The following ENPP2 variants were observed in gnomAD, a reference collection of about 807,000 sequenced individuals.
ENPP2 encodes the protein autotaxin.
ENPP2 carries 51 observed loss-of-function variants against 120.2 expected under a neutral mutation model. The observed-to-expected ratio is 0.42, with a 90% confidence interval of 0.34 to 0.54. The LOEUF is 0.54. Ranked by LOEUF, ENPP2 falls within the 20% of genes least tolerant of loss-of-function variation. The probability of loss-of-function intolerance (pLI) is 0.04; values close to 1 mark genes in which losing one functional copy is unlikely to be tolerated. For synonymous variants in ENPP2, 365 were observed against 366.4 expected (o/e 1.00, Z 0.04); for missense variants, 920 against 1,066.5 (o/e 0.86, Z 1.91).
intron 2 of ENPP2, among the ~76,000 whole-genome samples, chr8:119,630,976 C>T (rs1816624365): frequency 6.6e-6 from 1 of 150,580 alleles, no homozygotes; most frequent in South Asian, 2.1e-4. Flanking sequence ...CTCACTGCAA[C>T]CCCCGCCTCC....
chr8:119,673,390 T>C, exon 1 of ENPP2: 2 of 1,186,054 alleles, frequency 1.7e-6, no homozygotes, highest in Non-Finnish European at 2.4e-6. Context: ...TTGTTTGCAC[T>C]GGCCGTTTGC....
At chr8:119,560,117 C>A (rs746829129) in intron 24 of ENPP2, among the ~76,000 whole-genome samples, 2 of 152,154 alleles carry the variant, frequency 1.3e-5, no homozygotes, top group Non-Finnish European at 2.9e-5. Context: ...CTCTAATGAC[C>A]GAACTTGAAC....
At chr8:119,604,468 G>A (rs1489428903) in intron 9 of ENPP2, among the ~76,000 whole-genome samples, 2 of 151,994 alleles carry the variant, frequency 1.3e-5, no homozygotes, top group African/African-American at 4.8e-5. Flanking sequence ...ACAATGCGCA[G>A]ACAGCACAAA....
At chr8:119,641,727 CA>C (rs1214743386), upstream of ENPP2, among the ~76,000 whole-genome samples, 2 of 152,118 alleles carry the variant, frequency 1.3e-5, no homozygotes, top group Admixed American at 6.5e-5. Flanking sequence ...GATCCTGATT[CA>C]TTAGGTCTGG....
At chr8:119,641,440 T>C (rs1472060093), upstream of ENPP2, among the ~76,000 whole-genome samples, 1 of 152,252 alleles carries the variant, frequency 6.6e-6, no homozygotes, top group African/African-American at 2.4e-5. Context: ...TCACTTGCTA[T>C]GGTGTTTAAG....
chr8:119,658,519 G>T (rs540234291), intron 1 of ENPP2, among the ~76,000 whole-genome samples: 124 of 152,302 alleles, frequency 8.1e-4, no homozygotes, highest in African/African-American at 2.9e-3. Context: ...GCACATCTAG[G>T]TTCAAACCTC....
chr8:119,596,279 A>C (rs575696024), intron 11 of ENPP2, among the ~76,000 whole-genome samples: 4 of 152,200 alleles, frequency 2.6e-5, no homozygotes, highest in Non-Finnish European at 5.9e-5. Flanking sequence ...GCTGATATTT[A>C]TGGATGTATG....
At position 119,593,734 on chromosome 8, in the gene ENPP2, G is replaced by GA; in HGVS notation, c.1081+17dup. The GA allele has an allele frequency of 2.7e-6, 4 of 1,487,710 alleles. No homozygotes were observed. Among genetic ancestry groups the GA allele is most frequent in the South Asian group, 2.3e-5 (2 of 88,514 alleles). The allele number at this position is 1,487,710 out of a possible 1,614,324, so 92.2% of individuals were successfully genotyped here. On this transcript the variant is annotated intron_variant, in intron 12 of 24. Coordinates refer to ENST00000075322, the MANE Select transcript of ENPP2 (RefSeq NM_001040092.3). ...ATTATCCATCTATCCTATTAGCAAA[G>GA]AAAAAACAAAGCTTTACCATGGTCT...
intron 15 of ENPP2, among the ~76,000 whole-genome samples, 169 bp from the exon 16 acceptor site, chr8:119,584,218 A>G (rs1812948856): frequency 6.6e-6 from 1 of 152,196 alleles, no homozygotes; most frequent in South Asian, 2.1e-4. Flanking sequence ...GCATTTCTCC[A>G]AGTGACTTTT....
chr8:119,665,711 A>C (rs1818049109), intron 1 of ENPP2, among the ~76,000 whole-genome samples: 1 of 152,216 alleles, frequency 6.6e-6, no homozygotes, highest in South Asian at 2.1e-4. Flanking sequence ...ACATATGTAA[A>C]AATCTCATAT....
rs921425519 is a variant in ENPP2 at position 119,568,323 on chromosome 8, G to A, written c.2054-71C>T. On this transcript the variant is annotated intron_variant, in intron 21 of 24. Coordinates refer to ENST00000075322, the MANE Select transcript of ENPP2 (RefSeq NM_001040092.3). ...ATATCAGTTAAAAAAAAAAGGGAGA[G>A]GGGGGTAGAATTTTCTTAAATGGTC... 1.1e-5 allele frequency: 9 copies of A among 829,200 alleles called. No individual in the cohort carries two copies. In the Admixed American group the frequency reaches 1.7e-4, roughly 16 times the overall value. The allele number at this position is 829,200 out of a possible 1,614,324, so 51.4% of individuals were successfully genotyped here. A position where few individuals can be genotyped will look rare whatever the true frequency, so the allele number is the denominator to read the frequency against.
At chr8:119,575,207 T>C (rs950123582) in intron 19 of ENPP2, among the ~76,000 whole-genome samples, 2 of 152,324 alleles carry the variant, frequency 1.3e-5, no homozygotes, top group African/African-American at 4.8e-5. Flanking sequence ...TGGAGGTTTA[T>C]GATTTGCACA....
In ENPP2 at chr8:119,582,627, C is replaced by T. The variant is rs745947159; in HGVS notation, c.1544-25G>A. 16 of 1,537,004 alleles carry T rather than the reference C, an allele frequency of 1.0e-5. No homozygotes were observed. In the Admixed American group the frequency reaches 2.2e-4, roughly 21 times the overall value. Reference sequence around the variant, plus strand: ...TCTAATGAAAATTAAGAAAAGGAGGCAGGTGCTTCTTATATTTTTTTGATG... The same window carrying T: ...TCTAATGAAAATTAAGAAAAGGAGGTAGGTGCTTCTTATATTTTTTTGATG... On this transcript the variant is annotated intron_variant, in intron 17 of 24. Coordinates refer to ENST00000075322, the MANE Select transcript of ENPP2 (RefSeq NM_001040092.3).
intron 19 of ENPP2, chr8:119,571,690 C>G (rs998528616): frequency 6.6e-6 from 1 of 152,372 alleles, no homozygotes. Context: ...TGGGGCCCTA[C>G]AGACCAAAAT....
chr8:119,613,106 A>G (rs1815227900), intron 8 of ENPP2, among the ~76,000 whole-genome samples: 1 of 152,156 alleles, frequency 6.6e-6, no homozygotes, highest in African/African-American at 2.4e-5. Context: ...CCATGGAAGT[A>G]TCTTTGTATT....
intron 1 of ENPP2, among the ~76,000 whole-genome samples, chr8:119,650,860 C>T (rs1271441644): frequency 2.6e-5 from 4 of 152,032 alleles, no homozygotes; most frequent in Admixed American, 6.6e-5. Context: ...CTAGTTCTTG[C>T]GTACACATCT....
intron 1 of ENPP2, among the ~76,000 whole-genome samples, chr8:119,662,723 G>A (rs569774181): frequency 7.6e-4 from 115 of 152,272 alleles, no homozygotes; most frequent in Admixed American, 9.8e-4. Context: ...GACAATATCT[G>A]GCCTGCAGGC....
chr8:119,591,883 T>C lies in ENPP2; in HGVS notation c.1082-1253A>G, dbSNP rs189472974. On this transcript the variant is annotated intron_variant, in intron 12 of 24. Transcript: ENST00000075322. ...GGAAGGGAAAGTCCCCAAATACCTA[T>C]TAATAGAGGGCTGAAAGTCTTTCCC... 1.0e-3 allele frequency among the ~76,000 whole-genome samples: 157 copies of C among 152,254 alleles called. 2 individuals are homozygous for C. The highest frequency in any genetic ancestry group is 0.01 in the Admixed American group (153 of 15,288).
chr8:119,583,951 T>A lies in ENPP2; in HGVS notation c.1455+11A>T. The A allele has an allele frequency of 6.2e-7, 1 of 1,602,464 alleles. No homozygotes were observed. Among genetic ancestry groups the A allele is most frequent in the Non-Finnish European group, 8.6e-7 (1 of 1,169,488 alleles). On this transcript the variant is annotated intron_variant, in intron 16 of 24. Transcript: ENST00000075322. ...AAAACACAATTTCAATTCACAGTTCTGCCATCATACCTGCATGCTGTTGAC... is the reference window on the plus strand; with the variant it reads ...AAAACACAATTTCAATTCACAGTTCAGCCATCATACCTGCATGCTGTTGAC...
Sources: allele counts gnomAD v4.1 joint callset (sites outside exome capture counted in the v4.1 genomes callset), GRCh38; gene constraint gnomAD v4.1.1; transcripts MANE v1.5; gene names NCBI Gene and HGNC (gene_info 2026-07-23, HGNC 2026-07-21).